SAMHD1: variants seen among roughly 807,000 people sequenced by gnomAD.
SAMHD1 encodes SAM and HD domain containing deoxynucleoside triphosphate triphosphohydrolase 1, also known as deoxynucleoside triphosphate triphosphohydrolase SAMHD1.
SAMHD1 carries 54 observed loss-of-function variants against 79.6 expected under a neutral mutation model. The ratio of observed to expected loss-of-function variants is 0.68; its 90% CI spans 0.55 to 0.85. The LOEUF (loss-of-function observed/expected upper bound fraction) is 0.85. SAMHD1 is among the 40% of genes least tolerant of loss of function. SAMHD1 has a pLI of 0.00. For synonymous variants in SAMHD1, 260 were observed against 264.1 expected (o/e 0.98, Z 0.15); for missense variants, 663 against 782.7 (o/e 0.85, Z 1.82).
intron 9 of SAMHD1, among the ~76,000 whole-genome samples, chr20:36,914,778 G>A (rs1389345798): frequency 3.3e-5 from 5 of 151,856 alleles, no homozygotes; most frequent in African/African-American, 7.3e-5. Context: ...AGGCCAAGGA[G>A]GACAAGTTGC....
Position 36,947,551 on chromosome 20 carries a change from G to GT in SAMHD1, c.209-748_209-747insA, listed in dbSNP as rs2063701110. 1.5e-3 allele frequency among the ~76,000 whole-genome samples: 111 copies of GT among 75,766 alleles called. 8 individuals carry two copies. Among genetic ancestry groups the GT allele is most frequent in the Middle Eastern group, 6.3e-3 (1 of 158 alleles). The allele number at this position is 75,766 out of a possible 152,430, so 49.7% of individuals were successfully genotyped here. A position where few individuals can be genotyped will look rare whatever the true frequency, so the allele number is the denominator to read the frequency against. On this transcript the variant is annotated intron_variant, in intron 1 of 15. Coordinates refer to ENST00000646673, the MANE Select transcript of SAMHD1 (RefSeq NM_015474.4). Reference sequence around the variant, plus strand: ...ACTCAATACTCTGATTTGGAAGAGGGGTGTGTGTGTGTGTGTGTGTGTGTG... The same window carrying GT: ...ACTCAATACTCTGATTTGGAAGAGGGTGTGTGTGTGTGTGTGTGTGTGTGTG...
In SAMHD1 at chr20:36,905,481, T is replaced by A. The variant is rs1356154563; in HGVS notation, c.1293A>T (p.Leu431Phe). 9 of 1,611,320 alleles carry A rather than the reference T, an allele frequency of 5.6e-6. No homozygotes were observed. The highest frequency in any genetic ancestry group is 1.3e-5 in the African/African-American group (1 of 74,862). ...KLTDNIFLEI[L>F]YSTDPKLKDA... Reference sequence around the variant, plus strand: ...CTTTCAATTTGGGATCAGTAGAGTATAAAATCTCCAGAAAAATGTTATCTG... The same window carrying A: ...CTTTCAATTTGGGATCAGTAGAGTAAAAAATCTCCAGAAAAATGTTATCTG... Residue 431 changes from leucine (L) to phenylalanine (F), a missense_variant, in exon 12 of 16, where the codon TTA becomes TTT. Coordinates refer to ENST00000646673, the MANE Select transcript of SAMHD1 (RefSeq NM_015474.4).
chr20:36,902,181 TTAGTAG>T (rs991244385), intron 13 of SAMHD1, among the ~76,000 whole-genome samples: 116 of 152,192 alleles, frequency 7.6e-4, no homozygotes, highest in African/African-American at 2.6e-3. Flanking sequence ...ATGATGATTA[TTAGTAG>T]TAGTATTTTT....
rs756729970 is a variant in SAMHD1 at position 36,904,179 on chromosome 20, T to G, written c.1481A>C (p.Lys494Thr). 2 of 1,612,910 alleles carry G rather than the reference T, an allele frequency of 1.2e-6. No individual in the cohort carries two copies. The highest frequency in any genetic ancestry group is 2.2e-5 in the South Asian group (2 of 91,040). ...TACATCCACTATAAAATCTTCAGCC[T>G]TCAGTTTCACGTCTAGCAATACTTT... ...KPKVLLDVKL[K>T]AEDFIVDVIN... Residue 494 changes from lysine (K) to threonine (T), a missense_variant, in exon 13 of 16, where the codon AAG becomes ACG. Lys to Thr is a moderately conservative substitution (Grantham distance 78). Transcript: ENST00000646673.
At chr20:36,893,323 G>A (rs546389580) in intron 15 of SAMHD1, 4 of 543,858 alleles carry the variant, frequency 7.4e-6, no homozygotes, top group Non-Finnish European at 1.3e-5. Flanking sequence ...GCATACCACT[G>A]CCCACCTCTA....
rs1323894570 is a variant in SAMHD1 at position 36,943,887 on chromosome 20, G to A, written c.276-2776C>T. ...GAGGTCGGGAGTTCAAGACCACCCT[G>A]GCCAACATAGTGAAACCCTGTCTCT... On this transcript the variant is annotated intron_variant, in intron 2 of 15. Coordinates refer to ENST00000646673, the MANE Select transcript of SAMHD1 (RefSeq NM_015474.4). Among the ~76,000 whole-genome samples, 3 of 151,800 alleles carry A rather than the reference G, an allele frequency of 2.0e-5. No homozygotes were observed. The East Asian group carries it at 5.8e-4, about 29-fold the overall frequency.
rs560505736 is a variant in SAMHD1 at position 36,951,661 on chromosome 20, G to C, written c.-18C>G. On this transcript the variant is annotated 5_prime_UTR_variant, in exon 1 of 16. Transcript: ENST00000646673. ...CGCTGCATGGCTACACCTGGCGTCC[G>C]GCACAGCAGTCAAGAACCTCGGCGC... 8.4e-5 allele frequency: 136 copies of C among 1,612,484 alleles called. 1 individual carries two copies. Among genetic ancestry groups the C allele is most frequent in the Middle Eastern group, 1.9e-4 (1 of 5,270 alleles).
chr20:36,946,058 G>A (rs908734520), intron 2 of SAMHD1, among the ~76,000 whole-genome samples: 5 of 151,664 alleles, frequency 3.3e-5, no homozygotes, highest in African/African-American at 7.3e-5. Flanking sequence ...CGAGGCAAGC[G>A]GATCACTTGA....
chr20:36,939,438 A>C (rs1051074394), intron 3 of SAMHD1, among the ~76,000 whole-genome samples: 1 of 151,844 alleles, frequency 6.6e-6, no homozygotes, highest in Non-Finnish European at 1.5e-5. Flanking sequence ...ACTAAAAAAA[A>C]TACAAAAACT....
intron 13 of SAMHD1, among the ~76,000 whole-genome samples, chr20:36,902,566 T>G (rs1284463083): frequency 6.6e-6 from 1 of 152,136 alleles, no homozygotes; most frequent in Non-Finnish European, 1.5e-5. Flanking sequence ...TTTATAGATA[T>G]GCCTGTATAG....
chr20:36,935,571 ATTTT>A (rs35043095), intron 3 of SAMHD1, among the ~76,000 whole-genome samples: 1 of 142,948 alleles, frequency 7.0e-6, no homozygotes, highest in Admixed American at 7.0e-5. Flanking sequence ...ATTATGTCTA[ATTTT>A]TTTTTTTTTT....
At chr20:36,932,366 A>C (rs1443747674) in intron 4 of SAMHD1, among the ~76,000 whole-genome samples, 1 of 150,130 alleles carries the variant, frequency 6.7e-6, no homozygotes, top group Non-Finnish European at 1.5e-5. Context: ...AAAAAAAAAA[A>C]AAAAAAAGTA....
chr20:36,917,420 G>A (rs370523941), intron 7 of SAMHD1, among the ~76,000 whole-genome samples: 9 of 152,278 alleles, frequency 5.9e-5, no homozygotes, highest in Admixed American at 1.3e-4. Context: ...TTGGGAGGCC[G>A]AGGAGGGCGG....
chr20:36,950,563 A>G (rs2063727155), intron 1 of SAMHD1, among the ~76,000 whole-genome samples: 1 of 152,194 alleles, frequency 6.6e-6, no homozygotes, highest in Non-Finnish European at 1.5e-5. Flanking sequence ...CAAAAAGTTG[A>G]GTAGAATTCA....
intron 3 of SAMHD1, among the ~76,000 whole-genome samples, chr20:36,939,798 T>G (rs774148051): frequency 6.6e-6 from 1 of 152,164 alleles, no homozygotes; most frequent in Non-Finnish European, 1.5e-5. Flanking sequence ...GAAACTAAGT[T>G]TTCTTAACCT....
intron 15 of SAMHD1, chr20:36,893,366 A>C: frequency 2.2e-6 from 1 of 446,440 alleles, no homozygotes; most frequent in Non-Finnish European, 4.1e-6. Context: ...CGGAGCACAA[A>C]CTCTGTCCTG....
At chr20:36,924,201 A>T (rs1183854676) in intron 6 of SAMHD1, among the ~76,000 whole-genome samples, 2 of 146,944 alleles carry the variant, frequency 1.4e-5, no homozygotes, top group East Asian at 4.5e-4. Flanking sequence ...GCAGTAAGCC[A>T]TGTTTGCACC....
chr20:36,897,269 A>G (rs1280923100), intron 15 of SAMHD1, among the ~76,000 whole-genome samples: 3 of 152,338 alleles, frequency 2.0e-5, no homozygotes, highest in Middle Eastern at 3.4e-3. Context: ...CATTCATTCA[A>G]TAAATGCCAA....
At chr20:36,899,064 A>G (rs1990253398) in intron 13 of SAMHD1, among the ~76,000 whole-genome samples, 1 of 151,950 alleles carries the variant, frequency 6.6e-6, no homozygotes, top group Non-Finnish European at 1.5e-5. Flanking sequence ...AAGAATGGGA[A>G]ATGCACTTGT....
Sources: gnomAD v4.1 joint callset for allele counts (sites outside exome capture counted in the v4.1 genomes callset) on GRCh38, gnomAD v4.1.1 for gene constraint, MANE v1.5 for transcripts, NCBI Gene and HGNC (gene_info 2026-07-23, HGNC 2026-07-21) for gene names.